MTHFD1L: variants seen among roughly 807,000 people sequenced by gnomAD.
The protein encoded by MTHFD1L is methylenetetrahydrofolate dehydrogenase (NADP+ dependent) 1 like.
In MTHFD1L, 81 loss-of-function variants were observed where a neutral mutation model predicts 119.5. That is an observed-to-expected ratio of 0.68 (90% confidence interval 0.57 to 0.82). The LOEUF is 0.82. MTHFD1L is among the 40% of genes least tolerant of loss of function. The pLI, the probability that MTHFD1L is intolerant of heterozygous loss-of-function variation, is 0.00. For missense variants in MTHFD1L, 1,125 were observed against 1,253.4 expected, an observed-to-expected ratio of 0.90 and a Z score of 1.55; for synonymous variants, 430 against 475.2, an observed-to-expected ratio of 0.90 and a Z score of 1.24.
chr6:150,936,434 C>T (rs1397520330), intron 11 of MTHFD1L, among the ~76,000 whole-genome samples: 1 of 152,186 alleles, frequency 6.6e-6, no homozygotes, highest in Non-Finnish European at 1.5e-5. Flanking sequence ...TGTGCCCACA[C>T]CCTGCCCCAA....
chr6:150,967,952 C>G (rs2129013164), intron 19 of MTHFD1L, among the ~76,000 whole-genome samples: 1 of 152,130 alleles, frequency 6.6e-6, no homozygotes, highest in Middle Eastern at 3.4e-3. Context: ...CCCTAGGGAT[C>G]TGGCTCTCAC....
At chr6:150,891,263 G>A (rs1374127262) in intron 7 of MTHFD1L, among the ~76,000 whole-genome samples, 1 of 152,044 alleles carries the variant, frequency 6.6e-6, no homozygotes. Context: ...TGAGATTACA[G>A]GCATGAGCTA....
At chr6:150,913,698 A>G (rs191173927) in intron 8 of MTHFD1L, among the ~76,000 whole-genome samples, 26 of 149,158 alleles carry the variant, frequency 1.7e-4, no homozygotes, top group African/African-American at 5.4e-4. Flanking sequence ...GTGTCTTAAA[A>G]TTGTGTTGTT....
At chr6:150,925,992 C>T (rs143835111) in intron 10 of MTHFD1L, 130 bp from the exon 11 acceptor site, 397 of 703,958 alleles carry the variant, frequency 5.6e-4, no homozygotes, top group Non-Finnish European at 8.1e-4. Context: ...CTTATTACTG[C>T]CTGGGAGAAA....
intron 26 of MTHFD1L, among the ~76,000 whole-genome samples, chr6:151,063,876 G>GT (rs5880913): frequency 0.053 from 7,830 of 146,846 alleles, 613 homozygotes; most frequent in African/African-American, 0.17. Context: ...TGTGTTTTGG[G>GT]TTTTTTTTTT....
chr6:150,961,545 A>G (rs2089359351), intron 18 of MTHFD1L, among the ~76,000 whole-genome samples: 2 of 152,234 alleles, frequency 1.3e-5, no homozygotes, highest in South Asian at 4.1e-4. Flanking sequence ...TCCTACAATA[A>G]TGGAACTTAA....
intron 26 of MTHFD1L, among the ~76,000 whole-genome samples, chr6:151,080,376 C>T (rs934088698): frequency 7.9e-5 from 12 of 152,070 alleles, no homozygotes; most frequent in Non-Finnish European, 1.6e-4. Context: ...AGCAGTGTTG[C>T]GGGTATCAGG....
Position 151,101,545 on chromosome 6 carries a change from CTT to C in MTHFD1L, c.*53_*54del, listed in dbSNP as rs1220758115. ...TTTCAGACTCCTGAAACAGACTACT[CTT>C]TGCCTTTTTGCTGCAGTTGGAGAAG... On this transcript the variant is annotated 3_prime_UTR_variant, in exon 28 of 28. Coordinates refer to ENST00000367321, the MANE Select transcript of MTHFD1L (RefSeq NM_015440.5). The C allele has an allele frequency of 2.0e-5, 3 of 152,604 alleles. No homozygotes were observed. The highest frequency in any genetic ancestry group is 4.4e-5 in the Non-Finnish European group (3 of 67,996). 9.5% of individuals were successfully genotyped at this position (152,604 alleles called of 1,614,324 possible).
intron 17 of MTHFD1L, among the ~76,000 whole-genome samples, chr6:150,959,598 G>A (rs900625187): frequency 5.3e-5 from 8 of 152,126 alleles, no homozygotes; most frequent in Non-Finnish European, 8.8e-5. Flanking sequence ...TATCCTCCTG[G>A]GCAGCTGAAA....
In MTHFD1L at chr6:150,865,994, C is replaced by T. The variant is rs1287410355; in HGVS notation, c.172C>T (p.Arg58Trp). Residue 58 changes from arginine to tryptophan, a missense_variant, in exon 1 of 28, where the codon CGG becomes TGG. Arg to Trp is a moderately radical substitution (Grantham distance 101). Coordinates refer to ENST00000367321, the MANE Select transcript of MTHFD1L (RefSeq NM_015440.5). ...GQRRPQDGQARSSCSPGGRTP... is the reference protein window; with the variant it reads ...GQRRPQDGQAWSSCSPGGRTP... The stretch of plus-strand genomic sequence containing the variant: ...GCGGCGGCCGCAGGATGGCCAGGCC[C>T]GGAGCAGCTGCAGCCCCGGCGGCCG... 4 of 1,347,452 alleles carry T rather than the reference C, an allele frequency of 3.0e-6. No homozygotes were observed. The highest frequency in any genetic ancestry group is 1.5e-5 in the African/African-American group (1 of 65,376). 83.5% of individuals were successfully genotyped at this position (1,347,452 alleles called of 1,614,324 possible).
Position 150,875,886 on chromosome 6 carries a change from T to C in MTHFD1L, c.228-204T>C, listed in dbSNP as rs1049307841. On this transcript the variant is annotated intron_variant, in intron 1 of 27. Transcript: ENST00000367321. ...GTTTCCCTCTGCATATTTTAAAAAC[T>C]GGATTGCCGCATTTTACCTTGTGTT... 1.0e-5 allele frequency: 5 copies of C among 496,404 alleles called. No individual in the cohort carries two copies. The African/African-American group carries it at 1.0e-4, about 10-fold the overall frequency. The allele number at this position is 496,404 out of a possible 1,614,324, so 30.7% of individuals were successfully genotyped here. A position where few individuals can be genotyped will look rare whatever the true frequency, so the allele number is the denominator to read the frequency against.
intron 13 of MTHFD1L, among the ~76,000 whole-genome samples, chr6:150,942,554 C>A (rs1009963246): frequency 1.3e-5 from 2 of 151,976 alleles, no homozygotes; most frequent in African/African-American, 2.4e-5. Context: ...ATTAAATATA[C>A]CCTCACATAG....
At chr6:150,957,894 A>C (rs1308808387) in intron 17 of MTHFD1L, among the ~76,000 whole-genome samples, 1 of 152,152 alleles carries the variant, frequency 6.6e-6, no homozygotes, top group South Asian at 2.1e-4. Context: ...ATGTATGCCA[A>C]CTGTTGGCAT....
intron 26 of MTHFD1L, among the ~76,000 whole-genome samples, chr6:151,083,811 A>T (rs1239966082): frequency 6.6e-6 from 1 of 152,208 alleles, no homozygotes; most frequent in African/African-American, 2.4e-5. Context: ...TGGCCATGAA[A>T]GAGTAGCAAG....
At chr6:150,942,147 T>A (rs1347998632) in intron 13 of MTHFD1L, among the ~76,000 whole-genome samples, 1 of 151,936 alleles carries the variant, frequency 6.6e-6, no homozygotes, top group Admixed American at 6.6e-5. Flanking sequence ...TAATCCCAGC[T>A]CCTTGGGAGG....
chr6:150,880,813 G>C (rs143600422), intron 4 of MTHFD1L, among the ~76,000 whole-genome samples: 20 of 152,198 alleles, frequency 1.3e-4, no homozygotes, highest in African/African-American at 4.6e-4. Flanking sequence ...ATCTCATTGT[G>C]GTTTTGATTT....
chr6:151,052,571 G>T (rs1319204895), intron 26 of MTHFD1L, among the ~76,000 whole-genome samples: 7 of 152,206 alleles, frequency 4.6e-5, no homozygotes. Context: ...GACGGCAGTG[G>T]GCAGGAGCCT....
chr6:150,897,500 G>T (rs1428581180), intron 7 of MTHFD1L, among the ~76,000 whole-genome samples: 1 of 152,202 alleles, frequency 6.6e-6, no homozygotes, highest in African/African-American at 2.4e-5. Flanking sequence ...CGATTTTTCT[G>T]TGGGAAACTT....
rs547739084 is a variant in MTHFD1L, at chr6:150,921,225, T to C, written c.985-980T>C. On this transcript the variant is annotated intron_variant, in intron 9 of 27. Coordinates refer to ENST00000367321, the MANE Select transcript of MTHFD1L (RefSeq NM_015440.5). ...ACCTCCACCTCCCGGGTTCAAGTGA[T>C]TCTCCTGCCTCAGCCTCCCGAGTAG... Among the ~76,000 whole-genome samples the C allele has an allele frequency of 8.1e-4, 123 of 152,192 alleles. 1 individual carries two copies. The highest frequency in any genetic ancestry group is 2.9e-3 in the African/African-American group (121 of 41,518).
Sources: allele counts gnomAD v4.1 joint callset (sites outside exome capture counted in the v4.1 genomes callset), GRCh38; gene constraint gnomAD v4.1.1; transcripts MANE v1.5; gene names NCBI Gene and HGNC (gene_info 2026-07-23, HGNC 2026-07-21).